Variants in RGS7 observed in about 807,000 individuals in gnomAD.
RGS7 encodes the protein regulator of G-protein signaling 7.
A neutral mutation model predicts 81.1 loss-of-function variants in RGS7; 27 were observed. That is an observed-to-expected ratio of 0.33 (90% confidence interval 0.25 to 0.46). RGS7 has a LOEUF of 0.46. Ranked by LOEUF, RGS7 falls within the 20% of genes least tolerant of loss-of-function variation. The pLI is 1.00. For missense variants in RGS7, 396 were observed against 607.4 expected, an observed-to-expected ratio of 0.65 and a Z score of 3.66; for synonymous variants, 208 against 207.7, an observed-to-expected ratio of 1.00 and a Z score of -0.01.
chr1:241,304,471 T>C (rs2079965330), intron 2 of RGS7, among the ~76,000 whole-genome samples: 1 of 152,270 alleles, frequency 6.6e-6, no homozygotes, highest in Admixed American at 6.5e-5. Context: ...ATTTTTCCAC[T>C]TGCAAGTGGC....
At chr1:241,227,089 C>T (rs926168138) in intron 2 of RGS7, among the ~76,000 whole-genome samples, 2 of 152,134 alleles carry the variant, frequency 1.3e-5, no homozygotes, top group African/African-American at 4.8e-5. Flanking sequence ...TGAGGAACTC[C>T]AAGGACCTTA....
intron 3 of RGS7, among the ~76,000 whole-genome samples, chr1:241,025,637 TTATC>T (rs1327883470): frequency 3.3e-5 from 5 of 152,096 alleles, no homozygotes; most frequent in African/African-American, 1.2e-4. Context: ...TCTTTTTGCT[TTATC>T]TATGCCTCAA....
chr1:241,128,254 G>A (rs189349300), intron 2 of RGS7, among the ~76,000 whole-genome samples: 19 of 147,516 alleles, frequency 1.3e-4, no homozygotes, highest in African/African-American at 4.6e-4. Flanking sequence ...TCCAGCCTGG[G>A]CCACAGAGCA....
At chr1:240,960,488 C>A (rs945058400) in intron 4 of RGS7, among the ~76,000 whole-genome samples, 1 of 150,664 alleles carries the variant, frequency 6.6e-6, no homozygotes, top group Non-Finnish European at 1.5e-5. Flanking sequence ...GTGATCTTCC[C>A]GCCTCAGCCT....
intron 9 of RGS7, among the ~76,000 whole-genome samples, chr1:240,841,659 A>G (rs925186328): frequency 5.3e-5 from 8 of 152,214 alleles, no homozygotes; most frequent in African/African-American, 1.2e-4. Flanking sequence ...TTTTCACTGA[A>G]GCATATCAAA....
chr1:241,337,561 GT>G (rs1021528091), intron 2 of RGS7, among the ~76,000 whole-genome samples: 1 of 151,286 alleles, frequency 6.6e-6, no homozygotes, highest in Non-Finnish European at 1.5e-5. Context: ...CAGAGATACA[GT>G]ACTGAATGTG....
At chr1:240,985,074 T>C (rs569316359) in intron 3 of RGS7, among the ~76,000 whole-genome samples, 3 of 152,342 alleles carry the variant, frequency 2.0e-5, no homozygotes, top group East Asian at 3.9e-4. Context: ...CAGAAGGCAG[T>C]TGACCGTGTC....
intron 6 of RGS7, among the ~76,000 whole-genome samples, chr1:240,876,414 T>C (rs1343244259): frequency 6.6e-6 from 1 of 152,142 alleles, no homozygotes; most frequent in Non-Finnish European, 1.5e-5. Context: ...AGAAAGCAAT[T>C]ACTGGGATCA....
At chr1:241,355,634 G>T in intron 2 of RGS7, 65 bp downstream of exon 2, 2 of 1,406,418 alleles carry the variant, frequency 1.4e-6, no homozygotes, top group Non-Finnish European at 2.0e-6. Context: ...CTCTGATCTA[G>T]AGGGGGAAAA....
intron 9 of RGS7, among the ~76,000 whole-genome samples, chr1:240,834,545 C>G (rs972331026): frequency 1.3e-5 from 2 of 152,078 alleles, no homozygotes; most frequent in African/African-American, 2.4e-5. Context: ...GAGTCTCGCT[C>G]CACCGCCCAG....
chr1:240,857,411 G>A (rs1446182745), intron 9 of RGS7, among the ~76,000 whole-genome samples: 4 of 152,112 alleles, frequency 2.6e-5, no homozygotes, highest in Non-Finnish European at 5.9e-5. Context: ...TCCAGAGCTT[G>A]CATTGGGGTT....
intron 4 of RGS7, among the ~76,000 whole-genome samples, chr1:240,945,764 G>A (rs920825000): frequency 6.6e-6 from 1 of 152,152 alleles, no homozygotes; most frequent in Non-Finnish European, 1.5e-5. Flanking sequence ...ACTGATGTTT[G>A]CAACTTTTGA....
intron 2 of RGS7, among the ~76,000 whole-genome samples, chr1:241,254,341 C>T (rs1158414565): frequency 6.6e-6 from 1 of 152,086 alleles, no homozygotes; most frequent in African/African-American, 2.4e-5. Flanking sequence ...TTTTCTTGAG[C>T]TGTGATTTAG....
intron 2 of RGS7, among the ~76,000 whole-genome samples, chr1:241,262,688 T>G (rs1215992246): frequency 6.6e-6 from 1 of 152,162 alleles, no homozygotes; most frequent in Non-Finnish European, 1.5e-5. Context: ...AGTGTTTATT[T>G]CCCAATTTCT....
intron 2 of RGS7, among the ~76,000 whole-genome samples, chr1:241,161,273 A>G (rs1029044494): frequency 1.3e-5 from 2 of 152,144 alleles, no homozygotes; most frequent in Non-Finnish European, 2.9e-5. Flanking sequence ...TCTTACACTG[A>G]CACAGGAAGA....
intron 3 of RGS7, among the ~76,000 whole-genome samples, chr1:240,985,483 TA>T (rs1428041350): frequency 6.6e-6 from 1 of 152,242 alleles, no homozygotes; most frequent in Non-Finnish European, 1.5e-5. Flanking sequence ...AAGCCTAATT[TA>T]AAAGTATGTT....
At position 240,924,771 on chromosome 1, in the gene RGS7, G is replaced by A. The variant is rs192684209; in HGVS notation, c.385+5946C>T. ...TTAATTGTATTACCACTAGGATGGC[G>A]TGAGTGATGCAGTCACCTCAGGTGC... On this transcript the variant is annotated intron_variant, in intron 6 of 18. Transcript: ENST00000440928. Among the ~76,000 whole-genome samples, 584 of 152,228 alleles carry A rather than the reference G, an allele frequency of 3.8e-3. 7 individuals are homozygous for A. The highest frequency in any genetic ancestry group is 0.014 in the African/African-American group (571 of 41,512).
At chr1:240,798,113 A>G (rs1043681145) in intron 18 of RGS7, among the ~76,000 whole-genome samples, 6 of 152,166 alleles carry the variant, frequency 3.9e-5, no homozygotes, top group African/African-American at 1.2e-4. Context: ...TGTCTGTGAA[A>G]AAAGGTGATA....
chr1:241,327,888 G>A (rs1296753503), intron 2 of RGS7, among the ~76,000 whole-genome samples: 7 of 151,988 alleles, frequency 4.6e-5, no homozygotes, highest in Non-Finnish European at 8.8e-5. Context: ...GATAGAAAAA[G>A]GCTTCTTAGA....
Sources: gnomAD v4.1 joint callset for allele counts (sites outside exome capture counted in the v4.1 genomes callset) on GRCh38, gnomAD v4.1.1 for gene constraint, MANE v1.5 for transcripts, NCBI Gene and HGNC (gene_info 2026-07-23, HGNC 2026-07-21) for gene names.